The following ABAT variants were observed in gnomAD, a reference collection of about 807,000 sequenced individuals.
ABAT encodes the protein 4-aminobutyrate aminotransferase, mitochondrial.
A neutral mutation model predicts 64.6 loss-of-function variants in ABAT; 45 were observed. That is an observed-to-expected ratio of 0.70 (90% confidence interval 0.55 to 0.89). ABAT has a LOEUF of 0.89. ABAT is among the 40% of genes least tolerant of loss of function. The pLI, the probability that ABAT is intolerant of heterozygous loss-of-function variation, is 0.00. For synonymous variants in ABAT, 297 were observed against 250.5 expected (o/e 1.19, Z -1.75); for missense variants, 633 against 658.4 (o/e 0.96, Z 0.42).
intron 1 of ABAT, among the ~76,000 whole-genome samples, chr16:8,708,326 A>G (rs911765172): frequency 6.6e-6 from 1 of 151,994 alleles, no homozygotes; most frequent in Non-Finnish European, 1.5e-5. Context: ...AGCTCACTGC[A>G]GCCTCAAACT....
chr16:8,739,650 C>G (rs369941714), intron 2 of ABAT, among the ~76,000 whole-genome samples: 1 of 151,796 alleles, frequency 6.6e-6, no homozygotes, highest in Non-Finnish European at 1.5e-5. Flanking sequence ...ACCCAGGAGG[C>G]GGAGGTTATG....
intron 2 of ABAT, among the ~76,000 whole-genome samples, chr16:8,743,818 T>C (rs568574198): frequency 3.9e-5 from 6 of 152,082 alleles, no homozygotes; most frequent in Admixed American, 2.6e-4. Flanking sequence ...GGTACAATTA[T>C]GGCAACCCCA....
rs140597983 is a variant in ABAT, at chr16:8,769,140, G to C, written c.816+167G>C. Reference sequence around the variant, plus strand: ...AGGCCTTGCGTCCCAAATGTTCTATGTTGGGAGAGTTCGTGAGACACACTG... The same window carrying C: ...AGGCCTTGCGTCCCAAATGTTCTATCTTGGGAGAGTTCGTGAGACACACTG... On this transcript the variant is annotated intron_variant, in intron 11 of 15. Coordinates refer to ENST00000268251, the MANE Select transcript of ABAT (RefSeq NM_020686.6). Among the ~76,000 whole-genome samples the C allele has an allele frequency of 3.1e-3, 471 of 152,284 alleles. 1 individual carries two copies. Among genetic ancestry groups the C allele is most frequent in the African/African-American group, 0.011 (450 of 41,556 alleles).
At chr16:8,710,472 T>C (rs59173435) in intron 1 of ABAT, among the ~76,000 whole-genome samples, 104,603 of 151,724 alleles carry the variant, frequency 0.69, 36,991 homozygotes, top group East Asian at 0.88. Flanking sequence ...GCATAGTGGC[T>C]CACACCTTTA....
intron 1 of ABAT, among the ~76,000 whole-genome samples, chr16:8,726,839 C>T (rs1052310415): frequency 6.6e-6 from 1 of 152,174 alleles, no homozygotes; most frequent in Non-Finnish European, 1.5e-5. Flanking sequence ...TGCTCCACAT[C>T]CTCTCCAGCA....
At chr16:8,777,784 C>A (rs1413620972) in intron 14 of ABAT, among the ~76,000 whole-genome samples, 7 of 152,096 alleles carry the variant, frequency 4.6e-5, no homozygotes, top group African/African-American at 1.4e-4. Context: ...CTGTGTAGAC[C>A]AAAGTGAGCC....
intron 13 of ABAT, among the ~76,000 whole-genome samples, chr16:8,775,565 TACAC>T (rs3069345): frequency 5.4e-4 from 82 of 150,596 alleles, no homozygotes; most frequent in Non-Finnish European, 8.6e-4. Context: ...CATACAGATT[TACAC>T]ACACACACAC....
chr16:8,767,960 G>C (rs1409643783), intron 9 of ABAT, among the ~76,000 whole-genome samples: 1 of 151,582 alleles, frequency 6.6e-6, no homozygotes, highest in African/African-American at 2.4e-5. Flanking sequence ...ACAGGTGTGA[G>C]CCACCACACC....
At chr16:8,772,493 T>C (rs2060142327) in intron 11 of ABAT, among the ~76,000 whole-genome samples, 1 of 152,198 alleles carries the variant, frequency 6.6e-6, no homozygotes, top group Non-Finnish European at 1.5e-5. Context: ...GAAGGTGGAT[T>C]CTGTCAGTGT....
chr16:8,699,632 G>T (rs1442363558), intron 1 of ABAT, among the ~76,000 whole-genome samples: 1 of 151,808 alleles, frequency 6.6e-6, no homozygotes, highest in African/African-American at 2.4e-5. Flanking sequence ...TGTGATCTCG[G>T]CTCACTGCAA....
chr16:8,751,105 T>C (rs1366236422), intron 5 of ABAT, among the ~76,000 whole-genome samples: 3 of 151,964 alleles, frequency 2.0e-5, no homozygotes, highest in East Asian at 3.9e-4. Context: ...CACGCCACCA[T>C]GCCTATCTAA....
chr16:8,777,010 G>A (rs941062313), intron 14 of ABAT, among the ~76,000 whole-genome samples: 7 of 151,994 alleles, frequency 4.6e-5, no homozygotes, highest in South Asian at 2.1e-4. Context: ...GAGATTCTCC[G>A]GCCTCAGCCT....
At chr16:8,732,840 C>G (rs1212057885) in intron 1 of ABAT, among the ~76,000 whole-genome samples, 4 of 150,038 alleles carry the variant, frequency 2.7e-5, no homozygotes, top group Middle Eastern at 3.3e-3. Flanking sequence ...GGCGGCTGGC[C>G]GGGCAGAGGG....
intron 1 of ABAT, among the ~76,000 whole-genome samples, chr16:8,719,937 A>C (rs961316530): frequency 2.6e-5 from 4 of 152,154 alleles, no homozygotes. Context: ...TCAGCCTCCC[A>C]AGTAGCTGGA....
In ABAT at chr16:8,764,888, C is replaced by A; in HGVS notation, c.540+58C>A. 2 of 1,440,402 alleles carry A rather than the reference C, an allele frequency of 1.4e-6. No individual in the cohort carries two copies. Among genetic ancestry groups the A allele is most frequent in the Non-Finnish European group, 2.0e-6 (2 of 1,023,584 alleles). 89.2% of individuals were successfully genotyped at this position (1,440,402 alleles called of 1,614,324 possible). On this transcript the variant is annotated intron_variant, in intron 8 of 15. Transcript: ENST00000268251. The surrounding 1 kb of genome is among the most constrained non-coding windows in gnomAD (Gnocchi z 4.2). The stretch of plus-strand genomic sequence containing the variant: ...ACAGGCTCCCCAGCACCCAGCCACA[C>A]GCTCACCCCTTGTCTGACTGTTCAT...
intron 5 of ABAT, among the ~76,000 whole-genome samples, chr16:8,751,212 G>C (rs2059471595): frequency 6.6e-6 from 1 of 152,066 alleles, no homozygotes; most frequent in Admixed American, 6.6e-5. Flanking sequence ...GCCTCCCACA[G>C]TGCTGGGATT....
At chr16:8,716,863 T>C (rs993722578) in intron 1 of ABAT, among the ~76,000 whole-genome samples, 9 of 152,258 alleles carry the variant, frequency 5.9e-5, no homozygotes, top group African/African-American at 1.9e-4. Flanking sequence ...ACAGTAGCCG[T>C]TCATCACATC....
chr16:8,775,161 C>T lies in ABAT; in HGVS notation c.1122+104C>T, dbSNP rs528014868. ...CATCGAGGAGCTGGGTGGGCACTTA[C>T]TGGGTCGCAGGTTTTCTAAGTCCCA... On this transcript the variant is annotated intron_variant, in intron 13 of 15. Coordinates refer to ENST00000268251, the MANE Select transcript of ABAT (RefSeq NM_020686.6). 51 of 1,492,018 alleles carry T rather than the reference C, an allele frequency of 3.4e-5. No homozygotes were observed. In the African/African-American group the frequency reaches 4.0e-4, roughly 12 times the overall value. The allele number at this position is 1,492,018 out of a possible 1,614,324, so 92.4% of individuals were successfully genotyped here.
chr16:8,684,680 G>A (rs1360203275), intron 1 of ABAT, among the ~76,000 whole-genome samples: 3 of 149,244 alleles, frequency 2.0e-5, no homozygotes, highest in African/African-American at 7.5e-5. Flanking sequence ...CCATAATCAT[G>A]CCACTGCACT....
Sources: gnomAD v4.1 joint callset for allele counts (sites outside exome capture counted in the v4.1 genomes callset) on GRCh38, gnomAD v4.1.1 for gene constraint, Gnocchi (gnomAD v3.1) non-coding constraint, MANE v1.5 for transcripts, NCBI Gene and HGNC (gene_info 2026-07-23, HGNC 2026-07-21) for gene names.